Variants in RANBP9 observed in about 807,000 individuals in gnomAD.
RANBP9 encodes RAN binding protein 9.
RANBP9 carries 15 observed loss-of-function variants against 84.3 expected under a neutral mutation model. That is an observed-to-expected ratio of 0.18 (90% CI 0.12 to 0.27). The LOEUF (loss-of-function observed/expected upper bound fraction) is 0.27, where lower values mean the gene tolerates loss of function less well. Ranked by LOEUF, RANBP9 falls within the 10% of genes least tolerant of loss-of-function variation. The pLI, the probability that RANBP9 is intolerant of heterozygous loss-of-function variation, is 1.00. For missense variants in RANBP9, 809 were observed against 912.8 expected (o/e 0.89, Z 1.46); for synonymous variants, 392 against 349.6 (o/e 1.12, Z -1.35).
At chr6:13,646,928 G>C (rs1765185477) in intron 5 of RANBP9, among the ~76,000 whole-genome samples, 1 of 152,152 alleles carries the variant, frequency 6.6e-6, no homozygotes, top group African/African-American at 2.4e-5. Flanking sequence ...CAACTTTTTA[G>C]ATGAACATTT....
At chr6:13,707,057 T>A (rs1758147704) in intron 1 of RANBP9, among the ~76,000 whole-genome samples, 1 of 151,848 alleles carries the variant, frequency 6.6e-6, no homozygotes, top group Non-Finnish European at 1.5e-5. Context: ...ATTTTTTTTT[T>A]AAGATAGGGT....
intron 1 of RANBP9, among the ~76,000 whole-genome samples, chr6:13,698,020 C>T (rs1757883109): frequency 6.6e-6 from 1 of 152,214 alleles, no homozygotes; most frequent in South Asian, 2.1e-4. Context: ...AATCATCACA[C>T]ATGAATGAGA....
intron 2 of RANBP9, among the ~76,000 whole-genome samples, chr6:13,665,651 T>C (rs1005514169): frequency 6.6e-6 from 1 of 152,256 alleles, no homozygotes; most frequent in African/African-American, 2.4e-5. Context: ...TGAAGATGTG[T>C]CTACCAAAAA....
chr6:13,627,835 C>T (rs1031043739), intron 12 of RANBP9, among the ~76,000 whole-genome samples: 2 of 152,036 alleles, frequency 1.3e-5, no homozygotes, highest in Non-Finnish European at 2.9e-5. Flanking sequence ...TACATCCTAA[C>T]ACACCACCGA....
In RANBP9 at chr6:13,634,497, A is replaced by G. The variant is rs1428255858; in HGVS notation, c.1729T>C (p.Ser577Pro). 4 of 1,613,590 alleles carry G rather than the reference A, an allele frequency of 2.5e-6. No individual in the cohort carries two copies. Among genetic ancestry groups the G allele is most frequent in the East Asian group, 2.2e-5 (1 of 44,868 alleles). Residue 577 changes from serine to proline, a missense_variant, in exon 11 of 14, where the codon TCC (serine) becomes CCC (proline). Physicochemically the swap from Ser to Pro is moderately conservative, Grantham distance 74. This residue lies in a region of RANBP9 where 233 missense variants were observed against 234.4 expected (regional missense o/e 0.99). Coordinates refer to ENST00000011619, the MANE Select transcript of RANBP9 (RefSeq NM_005493.3). The part of the protein sequence containing the change: ...HYSNGVGETS[S>P]NGFLNGSSKH... Reference sequence around the variant, plus strand: ...GAGCTACCATTTAGGAAACCATTGGATGAAGTTTCTCCAACTCCATTGGAG... The same window carrying G: ...GAGCTACCATTTAGGAAACCATTGGGTGAAGTTTCTCCAACTCCATTGGAG...
At chr6:13,647,298 C>T (rs1330414267) in intron 5 of RANBP9, among the ~76,000 whole-genome samples, 2 of 152,096 alleles carry the variant, frequency 1.3e-5, no homozygotes, top group Non-Finnish European at 2.9e-5. Flanking sequence ...TAACAAACAT[C>T]ACTATTTTGT....
chr6:13,706,457 G>C (rs777229185), intron 1 of RANBP9, among the ~76,000 whole-genome samples: 1 of 152,228 alleles, frequency 6.6e-6, no homozygotes, highest in East Asian at 1.9e-4. Flanking sequence ...CACTTTGGGA[G>C]GGCGAGGCGG....
chr6:13,649,434 G>A (rs1253986122), intron 5 of RANBP9, among the ~76,000 whole-genome samples: 5 of 143,532 alleles, frequency 3.5e-5, no homozygotes, highest in African/African-American at 7.8e-5. Flanking sequence ...AAAAGCTCAC[G>A]CTGACTAGTT....
chr6:13,637,456 A>G (rs542314630), intron 10 of RANBP9, among the ~76,000 whole-genome samples: 1 of 152,348 alleles, frequency 6.6e-6, no homozygotes. Context: ...TAAATATGCT[A>G]CTGTGTCTTA....
At chr6:13,641,506 C>G (rs941967754) in intron 7 of RANBP9, among the ~76,000 whole-genome samples, 199 bp from the exon 8 acceptor site, 2 of 146,946 alleles carry the variant, frequency 1.4e-5, no homozygotes, top group African/African-American at 5.1e-5. Flanking sequence ...AAAACAAGTA[C>G]GGTCACAAAT....
At chr6:13,652,988 C>CTA (rs780821872) in intron 4 of RANBP9, among the ~76,000 whole-genome samples, 4 of 152,120 alleles carry the variant, frequency 2.6e-5, no homozygotes, top group African/African-American at 4.8e-5. Flanking sequence ...TTAGAAAACA[C>CTA]ATTAAGAAAG....
Position 13,692,547 on chromosome 6 carries a change from A to C in RANBP9, c.683+4238T>G, listed in dbSNP as rs6913712. On this transcript the variant is annotated intron_variant, in intron 2 of 13. Transcript: ENST00000011619. ...CGTCTCAAAAAAAAAAAAAAAAAAAAAAAAAAACACAAAAAACAAAAAGGC... is the reference window on the plus strand; with the variant it reads ...CGTCTCAAAAAAAAAAAAAAAAAAACAAAAAAACACAAAAAACAAAAAGGC... Among the ~76,000 whole-genome samples, 413 of 147,130 alleles carry C rather than the reference A, an allele frequency of 2.8e-3. 2 individuals are homozygous for C. The highest frequency in any genetic ancestry group is 0.01 in the African/African-American group (399 of 39,652).
At chr6:13,679,818 GT>G (rs938189889) in intron 2 of RANBP9, among the ~76,000 whole-genome samples, 1 of 152,072 alleles carries the variant, frequency 6.6e-6, no homozygotes, top group Non-Finnish European at 1.5e-5. Context: ...GCGTTTTACT[GT>G]TTTGTTTTTC....
chr6:13,626,499 G>A (rs1453755158), intron 12 of RANBP9, among the ~76,000 whole-genome samples: 1 of 152,138 alleles, frequency 6.6e-6, no homozygotes, highest in Non-Finnish European at 1.5e-5. Flanking sequence ...ACTATAAGAG[G>A]CCCTATTTCC....
At chr6:13,656,038 A>G (rs1202438707) in intron 4 of RANBP9, among the ~76,000 whole-genome samples, 1 of 152,222 alleles carries the variant, frequency 6.6e-6, no homozygotes. Flanking sequence ...ATCAGTAATC[A>G]GAAATAGAAA....
chr6:13,694,782 T>C (rs1357012920), intron 2 of RANBP9, among the ~76,000 whole-genome samples: 1 of 152,194 alleles, frequency 6.6e-6, no homozygotes, highest in Non-Finnish European at 1.5e-5. Flanking sequence ...ATATCAACGC[T>C]GTATTTACCA....
At chr6:13,676,661 T>TACAC (rs1405901392) in intron 2 of RANBP9, among the ~76,000 whole-genome samples, 1 of 152,026 alleles carries the variant, frequency 6.6e-6, no homozygotes, top group East Asian at 1.9e-4. Context: ...AAAAGAACTA[T>TACAC]ACACCAAGAC....
At chr6:13,662,490 C>A (rs1399779309) in intron 2 of RANBP9, among the ~76,000 whole-genome samples, 9 of 152,228 alleles carry the variant, frequency 5.9e-5, no homozygotes, top group Admixed American at 5.9e-4. Context: ...TATGTTGAAA[C>A]CCGGTCCCTA....
intron 12 of RANBP9, among the ~76,000 whole-genome samples, chr6:13,626,060 G>C (rs1352035983): frequency 6.6e-6 from 1 of 152,202 alleles, no homozygotes; most frequent in East Asian, 1.9e-4. Flanking sequence ...CTGGTGTAGG[G>C]AGAGTGGAAG....
Sources: gnomAD v4.1 joint callset for allele counts (sites outside exome capture counted in the v4.1 genomes callset) on GRCh38, gnomAD v4.1.1 for gene constraint, gnomAD v4.1.1 regional missense constraint, MANE v1.5 for transcripts, NCBI Gene and HGNC (gene_info 2026-07-23, HGNC 2026-07-21) for gene names.